MCC: variants seen among roughly 807,000 people sequenced by gnomAD.
MCC encodes MCC regulator of Wnt signaling pathway.
MCC carries 90 observed loss-of-function variants against 116.2 expected under a neutral mutation model. The observed-to-expected ratio is 0.77, with a 90% CI of 0.65 to 0.92. The LOEUF (loss-of-function observed/expected upper bound fraction) is 0.92, where lower values mean the gene tolerates loss of function less well. Among genes scored for constraint, MCC ranks in the 40% least tolerant of loss-of-function variants. The probability of loss-of-function intolerance (pLI) is 0.00; values close to 1 mark genes in which losing one functional copy is unlikely to be tolerated. For synonymous variants in MCC, 578 were observed against 510.5 expected (o/e 1.13, Z -1.78); for missense variants, 1,516 against 1,312.2 (o/e 1.16, Z -2.40).
intron 3 of MCC, among the ~76,000 whole-genome samples, chr5:113,324,907 A>C (rs1326324047): frequency 6.7e-6 from 1 of 149,262 alleles, no homozygotes; most frequent in Non-Finnish European, 1.5e-5. Flanking sequence ...GTCATAGCTC[A>C]CTGCAGCCTC....
chr5:113,262,241 C>G (rs1765244696), intron 3 of MCC, among the ~76,000 whole-genome samples: 1 of 151,150 alleles, frequency 6.6e-6, no homozygotes, highest in African/African-American at 2.4e-5. Context: ...AGATTGCTAG[C>G]AAAAGTAATG....
chr5:113,443,166 A>ATT (rs1321755449), intron 1 of MCC, among the ~76,000 whole-genome samples: 1 of 120,412 alleles, frequency 8.3e-6, no homozygotes, highest in African/African-American at 4.6e-5. Flanking sequence ...GTGTCCTCTC[A>ATT]TTTCCTTGAG....
At chr5:113,341,096 T>C (rs941171201) in intron 2 of MCC, among the ~76,000 whole-genome samples, 1 of 152,184 alleles carries the variant, frequency 6.6e-6, no homozygotes, top group African/African-American at 2.4e-5. Context: ...TTCTCCCAAC[T>C]GAGGAAAAAG....
chr5:113,275,445 G>A (rs1438719690), intron 3 of MCC, among the ~76,000 whole-genome samples: 2 of 152,230 alleles, frequency 1.3e-5, no homozygotes, highest in South Asian at 2.1e-4. Flanking sequence ...CTAGCAATGC[G>A]TAATTGTAGC....
At chr5:113,457,454 G>A (rs1046840497) in intron 1 of MCC, among the ~76,000 whole-genome samples, 2 of 152,220 alleles carry the variant, frequency 1.3e-5, no homozygotes, top group South Asian at 2.1e-4. Flanking sequence ...TGTGCAGCCC[G>A]AGCCTCCCTG....
At chr5:113,100,380 C>T (rs971817463) in intron 8 of MCC, among the ~76,000 whole-genome samples, 5 of 150,272 alleles carry the variant, frequency 3.3e-5, no homozygotes, top group Admixed American at 2.7e-4. Context: ...CATAGAAGAG[C>T]AAGTTATTTA....
At chr5:113,224,783 C>G (rs576384249) in intron 3 of MCC, among the ~76,000 whole-genome samples, 8 of 152,274 alleles carry the variant, frequency 5.3e-5, no homozygotes, top group Middle Eastern at 6.8e-3. Context: ...ACAGATGCAA[C>G]AAGATAAGTC....
At chr5:113,487,453 G>A (rs1772565025) in intron 1 of MCC, among the ~76,000 whole-genome samples, 1 of 152,240 alleles carries the variant, frequency 6.6e-6, no homozygotes, top group South Asian at 2.1e-4. Context: ...AATTTGGGCA[G>A]AAGTAATTAT....
chr5:113,269,820 C>T (rs1351757144), intron 3 of MCC, among the ~76,000 whole-genome samples: 3 of 152,202 alleles, frequency 2.0e-5, no homozygotes, highest in African/African-American at 7.2e-5. Flanking sequence ...ACCCCACTGA[C>T]AGACTGCTTT....
At chr5:113,355,219 T>A (rs1446044515) in intron 2 of MCC, among the ~76,000 whole-genome samples, 1 of 152,198 alleles carries the variant, frequency 6.6e-6, no homozygotes, top group Non-Finnish European at 1.5e-5. Context: ...GTGCAAGACA[T>A]GCCAACCTCA....
At chr5:113,121,149 C>T (rs1470163304) in intron 6 of MCC, among the ~76,000 whole-genome samples, 1 of 152,198 alleles carries the variant, frequency 6.6e-6, no homozygotes, top group Non-Finnish European at 1.5e-5. Flanking sequence ...GCTGCCACCA[C>T]CCTAATCTGA....
intron 5 of MCC, among the ~76,000 whole-genome samples, chr5:113,133,615 G>T (rs1170730524): frequency 6.6e-6 from 1 of 152,192 alleles, no homozygotes; most frequent in Non-Finnish European, 1.5e-5. Context: ...TCAATATATT[G>T]ATGTCTTTTC....
At chr5:113,370,976 G>C (rs1561541312) in intron 2 of MCC, among the ~76,000 whole-genome samples, 1 of 152,266 alleles carries the variant, frequency 6.6e-6, no homozygotes, top group East Asian at 1.9e-4. Flanking sequence ...CCAGCACTTT[G>C]GGAGGCAGAG....
At chr5:113,196,701 T>C (rs1046462922) in intron 3 of MCC, among the ~76,000 whole-genome samples, 1 of 152,002 alleles carries the variant, frequency 6.6e-6, no homozygotes, top group Non-Finnish European at 1.5e-5. Flanking sequence ...TACAAAAAAT[T>C]AGCCGAGCGT....
intron 1 of MCC, among the ~76,000 whole-genome samples, chr5:113,485,446 T>C (rs191818381): frequency 6.6e-6 from 1 of 152,340 alleles, no homozygotes; most frequent in African/African-American, 2.4e-5. Flanking sequence ...CCTCGGACTC[T>C]ACTGAAGTAG....
intron 3 of MCC, among the ~76,000 whole-genome samples, chr5:113,331,295 C>T (rs1581404420): frequency 6.6e-6 from 1 of 151,706 alleles, no homozygotes; most frequent in Non-Finnish European, 1.5e-5. Flanking sequence ...AAGCCAGTAC[C>T]GCTGAGCAGA....
chr5:113,319,871 G>A (rs548922262), intron 3 of MCC, among the ~76,000 whole-genome samples: 1 of 152,352 alleles, frequency 6.6e-6, no homozygotes, highest in East Asian at 1.9e-4. Context: ...CCGGCTGGAA[G>A]TTCTTAGTGC....
intron 1 of MCC, among the ~76,000 whole-genome samples, chr5:113,418,475 C>T (rs890492668): frequency 2.0e-5 from 3 of 149,386 alleles, no homozygotes; most frequent in African/African-American, 7.6e-5. Context: ...TGGGAGACCC[C>T]AGCTTAGCAC....
chr5:113,050,009 C>G (rs1481146227), intron 15 of MCC, among the ~76,000 whole-genome samples: 2 of 152,190 alleles, frequency 1.3e-5, no homozygotes, highest in Admixed American at 6.5e-5. Context: ...ATCCTGGGAC[C>G]AGGAGCCAGT....
Sources: gnomAD v4.1 joint callset for allele counts (sites outside exome capture counted in the v4.1 genomes callset) on GRCh38, gnomAD v4.1.1 for gene constraint, MANE v1.5 for transcripts, NCBI Gene and HGNC (gene_info 2026-07-23, HGNC 2026-07-21) for gene names.